Variants in FAM117B observed in about 807,000 individuals in gnomAD.
The protein encoded by FAM117B is protein FAM117B.
A neutral mutation model predicts 52.8 loss-of-function variants in FAM117B; 22 were observed. That is an observed-to-expected ratio of 0.42 (90% CI 0.30 to 0.59). The LOEUF (loss-of-function observed/expected upper bound fraction) is 0.59. Among genes scored for constraint, FAM117B ranks in the 20% least tolerant of loss-of-function variants. The pLI, the probability that FAM117B is intolerant of heterozygous loss-of-function variation, is 0.22. For synonymous variants in FAM117B, 309 were observed against 324.1 expected (o/e 0.95, Z 0.50); for missense variants, 678 against 802.6 (o/e 0.84, Z 1.88).
At chr2:202,710,545 A>G (rs1461137094) in intron 2 of FAM117B, among the ~76,000 whole-genome samples, 2 of 152,126 alleles carry the variant, frequency 1.3e-5, no homozygotes, top group Non-Finnish European at 2.9e-5. Flanking sequence ...AAGCATTTAT[A>G]ATTTCTTTGT....
intron 1 of FAM117B, among the ~76,000 whole-genome samples, chr2:202,657,208 C>T (rs1690067690): frequency 6.6e-6 from 1 of 152,152 alleles, no homozygotes; most frequent in Non-Finnish European, 1.5e-5. Context: ...GTGCCTCAGC[C>T]TCCTGAGTAG....
At chr2:202,702,410 G>T (rs533867068) in intron 2 of FAM117B, among the ~76,000 whole-genome samples, 8 of 151,952 alleles carry the variant, frequency 5.3e-5, no homozygotes, top group East Asian at 1.9e-4. Context: ...AAGAAAGAAA[G>T]AAATAAAATA....
intron 1 of FAM117B, among the ~76,000 whole-genome samples, chr2:202,637,325 T>C (rs1044264022): frequency 6.6e-6 from 1 of 152,132 alleles, no homozygotes; most frequent in Non-Finnish European, 1.5e-5. Flanking sequence ...TTATGTGATC[T>C]CGGCTCACTG....
intron 1 of FAM117B, among the ~76,000 whole-genome samples, chr2:202,674,031 C>A (rs904982258): frequency 1.3e-5 from 2 of 152,104 alleles, no homozygotes; most frequent in Non-Finnish European, 1.5e-5. Context: ...CTGCACCCCC[C>A]CCACCTCTGA....
chr2:202,701,085 T>C (rs1252266610), intron 2 of FAM117B, among the ~76,000 whole-genome samples: 2 of 152,168 alleles, frequency 1.3e-5, no homozygotes, highest in Non-Finnish European at 2.9e-5. Flanking sequence ...TGCCTGACTT[T>C]AAGGAACAGG....
chr2:202,761,514 GT>G (rs1361700126), intron 7 of FAM117B, among the ~76,000 whole-genome samples: 2 of 151,754 alleles, frequency 1.3e-5, no homozygotes, highest in Admixed American at 1.3e-4. Flanking sequence ...TGGGTTTTTT[GT>G]TTTTGTTTTT....
At chr2:202,650,371 TAC>T (rs1302740003) in intron 1 of FAM117B, among the ~76,000 whole-genome samples, 3 of 152,178 alleles carry the variant, frequency 2.0e-5, no homozygotes, top group Admixed American at 2.0e-4. Flanking sequence ...TCTGTATTCA[TAC>T]AGAGTAGGCC....
chr2:202,736,711 G>A (rs78691907), intron 4 of FAM117B, among the ~76,000 whole-genome samples: 1 of 152,054 alleles, frequency 6.6e-6, no homozygotes, highest in Non-Finnish European at 1.5e-5. Context: ...GCAGTGAGCC[G>A]TTATTGCCCC....
At chr2:202,676,942 G>C (rs933075883) in intron 1 of FAM117B, among the ~76,000 whole-genome samples, 1 of 152,058 alleles carries the variant, frequency 6.6e-6, no homozygotes, top group African/African-American at 2.4e-5. Context: ...GAAAAACGGA[G>C]GAAGGAGAAT....
intron 2 of FAM117B, among the ~76,000 whole-genome samples, chr2:202,703,153 C>A (rs1690820079): frequency 6.6e-6 from 1 of 152,122 alleles, no homozygotes; most frequent in African/African-American, 2.4e-5. Context: ...AAAAAGAAAC[C>A]CTGTAACTCC....
intron 2 of FAM117B, among the ~76,000 whole-genome samples, chr2:202,716,234 TC>T (rs1691053864): frequency 6.6e-6 from 1 of 152,218 alleles, no homozygotes; most frequent in African/African-American, 2.4e-5. Context: ...GCAAACAACA[TC>T]TTTTTCCATC....
At chr2:202,638,614 C>G (rs1689721164) in intron 1 of FAM117B, among the ~76,000 whole-genome samples, 2 of 152,062 alleles carry the variant, frequency 1.3e-5, no homozygotes, top group South Asian at 4.1e-4. Flanking sequence ...AATAAAAACT[C>G]TTATTTCTCA....
At chr2:202,651,004 A>G (rs1034013203) in intron 1 of FAM117B, among the ~76,000 whole-genome samples, 5 of 151,950 alleles carry the variant, frequency 3.3e-5, no homozygotes, top group African/African-American at 1.2e-4. Context: ...TTGACACTCA[A>G]TAATAACCGT....
chr2:202,646,543 C>T (rs995430879), intron 1 of FAM117B, among the ~76,000 whole-genome samples: 14 of 152,100 alleles, frequency 9.2e-5, no homozygotes, highest in Non-Finnish European at 4.4e-5. Context: ...ATTTCTATAG[C>T]GCAGATTTTC....
chr2:202,649,285 C>T (rs1452706478), intron 1 of FAM117B, among the ~76,000 whole-genome samples: 2 of 152,040 alleles, frequency 1.3e-5, no homozygotes, highest in Admixed American at 1.3e-4. Context: ...CAGAATGTCT[C>T]CTTCCCTCTC....
intron 1 of FAM117B, among the ~76,000 whole-genome samples, chr2:202,651,263 C>A (rs1298274545): frequency 2.6e-5 from 4 of 151,588 alleles, no homozygotes; most frequent in African/African-American, 9.7e-5. Context: ...GGTTTCACTA[C>A]GTTGGCCAGG....
intron 1 of FAM117B, among the ~76,000 whole-genome samples, chr2:202,684,640 T>G (rs141548785): frequency 1.1e-3 from 160 of 152,300 alleles, no homozygotes; most frequent in Non-Finnish European, 1.6e-3. Context: ...TAATGTGCCT[T>G]CTGGAGAAAT....
chr2:202,671,434 C>T (rs1165181803), intron 1 of FAM117B, among the ~76,000 whole-genome samples: 1 of 152,228 alleles, frequency 6.6e-6, no homozygotes, highest in African/African-American at 2.4e-5. Context: ...TACCTCTTGC[C>T]CTTCACTGGT....
At chr2:202,644,069 T>TG (rs1242418276) in intron 1 of FAM117B, among the ~76,000 whole-genome samples, 11 of 144,144 alleles carry the variant, frequency 7.6e-5, no homozygotes, top group African/African-American at 1.1e-4. Context: ...TTTTTGTTTT[T>TG]TTTTTTTTTT....
Sources: allele counts gnomAD v4.1 joint callset (sites outside exome capture counted in the v4.1 genomes callset), GRCh38; gene constraint gnomAD v4.1.1; transcripts MANE v1.5; gene names NCBI Gene and HGNC (gene_info 2026-07-23, HGNC 2026-07-21).